RIPOR3: variants seen among roughly 807,000 people sequenced by gnomAD.
RIPOR3 encodes the protein family with sequence similarity 65 member C.
A neutral mutation model predicts 114.3 loss-of-function variants in RIPOR3; 95 were observed. The observed-to-expected ratio is 0.83, with a 90% CI of 0.70 to 0.99. The LOEUF is 0.99. RIPOR3 is among the 50% of genes least tolerant of loss of function. The pLI, the probability that RIPOR3 is intolerant of heterozygous loss-of-function variation, is 0.00. For synonymous variants in RIPOR3, 575 were observed against 543.8 expected (o/e 1.06, Z -0.80); for missense variants, 1,252 against 1,266.9 (o/e 0.99, Z 0.18).
At chr20:50,608,034 C>T (rs1409429081) in intron 11 of RIPOR3, among the ~76,000 whole-genome samples, 4 of 151,914 alleles carry the variant, frequency 2.6e-5, no homozygotes, top group South Asian at 2.1e-4. Flanking sequence ...CAGCCAGGGT[C>T]GGCCAGGAAT....
At chr20:50,672,288 A>G (rs937039130) in intron 1 of RIPOR3, among the ~76,000 whole-genome samples, 1 of 152,154 alleles carries the variant, frequency 6.6e-6, no homozygotes, top group Non-Finnish European at 1.5e-5. Flanking sequence ...GCAAAGGACC[A>G]GTGCTTAGAG....
At chr20:50,619,292 T>A (rs1008532000) in intron 3 of RIPOR3, among the ~76,000 whole-genome samples, 1 of 149,532 alleles carries the variant, frequency 6.7e-6, no homozygotes. Context: ...AAAAAAAAAA[T>A]TAGCCAGGTG....
Position 50,595,503 on chromosome 20 carries a change from T to C in RIPOR3, c.1916A>G (p.Lys639Arg), listed in dbSNP as rs1183734817. The change falls in exon 16 of 22, where the codon AAA becomes AGA. Residue 639 changes from lysine (K) to arginine (R), a missense_variant and splice_region_variant. Coordinates refer to ENST00000327979, the MANE Select transcript of RIPOR3 (RefSeq NM_001290268.2). ...HLQVCKALLQ[K>R]LASPNLSRLV... ...CCTTGATAAATTAGGGGAGGCCAGT[T>C]TCTGGGAAGCAGCCCAGATGCTCCA... 22 of 1,613,840 alleles carry C rather than the reference T, an allele frequency of 1.4e-5. No homozygotes were observed. Among genetic ancestry groups the C allele is most frequent in the Non-Finnish European group, 1.8e-5 (21 of 1,179,902 alleles).
intron 21 of RIPOR3, 95 bp from the exon 22 acceptor site, chr20:50,587,427 G>T: frequency 1.0e-6 from 1 of 979,138 alleles, no homozygotes. Context: ...AGTGACTGTG[G>T]GTCTCAGTGG....
chr20:50,594,749 T>C (rs2083231021), intron 16 of RIPOR3, 35 bp from the exon 17 acceptor site: 5 of 1,589,644 alleles, frequency 3.1e-6, no homozygotes, highest in Non-Finnish European at 4.3e-6. Context: ...GAATGGTGAC[T>C]CGGGGAGAGC....
chr20:50,610,768 C>T, intron 6 of RIPOR3, 85 bp downstream of exon 6: 3 of 1,584,456 alleles, frequency 1.9e-6, no homozygotes, highest in Non-Finnish European at 1.7e-6. Context: ...TTCGAGGGCA[C>T]CTCCCCAGCT....
intron 1 of RIPOR3, among the ~76,000 whole-genome samples, chr20:50,665,839 GA>G (rs2123480813): frequency 6.6e-6 from 1 of 152,182 alleles, no homozygotes; most frequent in Non-Finnish European, 1.5e-5. Context: ...TTCAACCAAG[GA>G]ATCTGCTCCA....
Position 50,592,413 on chromosome 20 carries a change from A to C in RIPOR3, c.2508T>G (p.Thr836=). 1 of 1,612,218 alleles carries C rather than the reference A, an allele frequency of 6.2e-7. No homozygotes were observed. Among genetic ancestry groups the C allele is most frequent in the Non-Finnish European group, 8.5e-7 (1 of 1,179,130 alleles). ...CGCTGGCCGCCCTGCACACCCTCGG[A>C]GTGCCGTCCAGCTGGAGCAGCGCCC... The part of the protein sequence containing the change: ...RAWALLQLDG[T]PRVCRAASAR... The change falls in exon 19 of 22, where the codon ACT becomes ACG. Residue 836 remains threonine, a synonymous_variant. Coordinates refer to ENST00000327979, the MANE Select transcript of RIPOR3 (RefSeq NM_001290268.2).
At chr20:50,604,832 C>A in intron 11 of RIPOR3, 58 bp from the exon 12 acceptor site, 1 of 1,586,880 alleles carries the variant, frequency 6.3e-7, no homozygotes, top group Admixed American at 1.9e-5. Flanking sequence ...ATTTCAGGCC[C>A]AGACGGCCCA....
intron 1 of RIPOR3, among the ~76,000 whole-genome samples, chr20:50,676,792 G>GT (rs1415205239): frequency 5.0e-4 from 16 of 32,298 alleles, no homozygotes; most frequent in Non-Finnish European, 9.1e-4. Flanking sequence ...TTTTTTTTTA[G>GT]TAGAGGTCTT....
intron 7 of RIPOR3, 95 bp from the exon 8 acceptor site, chr20:50,609,451 G>C (rs2083864139): frequency 3.3e-6 from 5 of 1,514,956 alleles, no homozygotes; most frequent in Admixed American, 4.5e-5. Flanking sequence ...CACAGGCAGA[G>C]AGACGCCTCC....
At position 50,630,902 on chromosome 20, in the gene RIPOR3, G is replaced by A. The variant is rs2426179; in HGVS notation, c.4-46C>T. The stretch of plus-strand genomic sequence containing the variant: ...AGTCAGCCTGGCATCACCATCCAGC[G>A]AGTGCCGTCCGCAGGCCAGCCACCT... On this transcript the variant is annotated intron_variant, in intron 1 of 21. Coordinates refer to ENST00000327979, the MANE Select transcript of RIPOR3 (RefSeq NM_001290268.2). 0.017 allele frequency: 25,496 copies of A among 1,490,412 alleles called. 3,101 individuals are homozygous for A. In the African/African-American group the frequency reaches 0.29, roughly 17 times the overall value. 92.3% of individuals were successfully genotyped at this position (1,490,412 alleles called of 1,614,324 possible).
At chr20:50,588,756 A>G (rs1197273703) in intron 20 of RIPOR3, among the ~76,000 whole-genome samples, 1 of 150,930 alleles carries the variant, frequency 6.6e-6, no homozygotes, top group Non-Finnish European at 1.5e-5. Flanking sequence ...AGTGAAAAAA[A>G]AAAAAAAAAA....
chr20:50,592,867 T>TA (rs1381053283), intron 18 of RIPOR3, among the ~76,000 whole-genome samples, 168 bp downstream of exon 18: 2 of 152,236 alleles, frequency 1.3e-5, no homozygotes, highest in African/African-American at 2.4e-5. Context: ...CCCTTGGAGC[T>TA]AATATCAGCC....
chr20:50,664,625 C>T lies in RIPOR3; in HGVS notation c.3+26501G>A, dbSNP rs773574513. Among the ~76,000 whole-genome samples, 5 of 152,130 alleles carry T rather than the reference C, an allele frequency of 3.3e-5. No individual in the cohort carries two copies. In the East Asian group the frequency reaches 5.8e-4, roughly 18 times the overall value. On this transcript the variant is annotated intron_variant, in intron 1 of 21. Transcript: ENST00000327979. ...GCAAATCACTCAACGCTCAGAGCTG[C>T]GCATTTTTATCTCCATCTGCTTGGA...
At chr20:50,677,622 T>A (rs1600757841) in intron 1 of RIPOR3, among the ~76,000 whole-genome samples, 1 of 151,636 alleles carries the variant, frequency 6.6e-6, no homozygotes, top group East Asian at 1.9e-4. Flanking sequence ...TCCACCTGCC[T>A]CGGCCTCCCA....
At chr20:50,627,927 C>T (rs915031278) in intron 2 of RIPOR3, among the ~76,000 whole-genome samples, 1 of 152,206 alleles carries the variant, frequency 6.6e-6, no homozygotes, top group Non-Finnish European at 1.5e-5. Context: ...ACACAAGGGT[C>T]CCTACAGTGC....
chr20:50,664,798 T>G (rs115188988), intron 1 of RIPOR3, among the ~76,000 whole-genome samples: 2,755 of 151,438 alleles, frequency 0.018, 92 homozygotes, highest in African/African-American at 0.061. Context: ...GGGAAATCGG[T>G]GGGGGAAGAA....
At chr20:50,635,393 C>G (rs2084948983) in intron 1 of RIPOR3, among the ~76,000 whole-genome samples, 2 of 152,152 alleles carry the variant, frequency 1.3e-5, no homozygotes, top group African/African-American at 4.8e-5. Flanking sequence ...GCGACTCACG[C>G]CTATAATTCC....
Sources: allele counts gnomAD v4.1 joint callset (sites outside exome capture counted in the v4.1 genomes callset), GRCh38; gene constraint gnomAD v4.1.1; transcripts MANE v1.5; gene names NCBI Gene and HGNC (gene_info 2026-07-23, HGNC 2026-07-21).